Variants in RPGR observed in about 807,000 individuals in gnomAD.
The protein encoded by RPGR is retinitis pigmentosa GTPase regulator.
Under a neutral mutation model 56.3 loss-of-function variants are expected in RPGR, and 10 were observed. The observed-to-expected ratio is 0.18, with a 90% CI of 0.11 to 0.30. The LOEUF (loss-of-function observed/expected upper bound fraction) is 0.30, where lower values mean the gene tolerates loss of function less well. RPGR is among the 10% of genes least tolerant of loss of function. RPGR has a pLI of 1.00. For missense variants in RPGR, 538 were observed against 590.9 expected (o/e 0.91, Z 0.93); for synonymous variants, 197 against 212.9 (o/e 0.93, Z 0.65).
chrX:38,318,854 T>A lies in RPGR; in HGVS notation c.444A>T (p.Gly148=), dbSNP rs752286330. The A allele has an allele frequency of 2.9e-5, 35 of 1,210,271 alleles. No individual in the cohort carries two copies. The East Asian group carries it at 8.9e-4, about 31-fold the overall frequency. The change falls in exon 5 of 19, where the codon GGA becomes GGT. Residue 148 remains glycine (G), a synonymous_variant. Transcript: ENST00000642395. ...CAGTTAGGGCAGCTGAAGTATTAGATCCAGCAGACAGCTGCTTAATCTTAT... is the reference window on the plus strand; with the variant it reads ...CAGTTAGGGCAGCTGAAGTATTAGAACCAGCAGACAGCTGCTTAATCTTAT...
rs112928193 is a variant in RPGR at position 38,300,838 on chromosome X, A to G, written c.1059+409T>C. ...GAGTGAGCCACCGTGCCCTGCCAAA[A>G]CGCTTTGTTTATTATCAGACTTTCT... On this transcript the variant is annotated intron_variant, in intron 9 of 18. Transcript: ENST00000642395. 0.014 allele frequency among the ~76,000 whole-genome samples: 1,610 copies of G among 112,164 alleles called. 33 individuals are homozygous for G. The highest frequency in any genetic ancestry group is 0.049 in the African/African-American group (1,522 of 30,864).
At chrX:38,303,569 T>C (rs189603801) in intron 8 of RPGR, 266 of 266,951 alleles carry the variant, frequency 1.0e-3, no homozygotes, top group African/African-American at 7.0e-3. Flanking sequence ...TAGGACCCTA[T>C]AGTTAAGGGA....
intron 14 of RPGR, 51 bp from the exon 15 acceptor site, chrX:38,287,296 A>T: frequency 1.7e-6 from 2 of 1,202,615 alleles, no homozygotes; most frequent in Non-Finnish European, 2.2e-6. Context: ...TTTGGATATT[A>T]TGGGTTTAGT....
chrX:38,316,634 TATTG>T (rs1190959318), intron 6 of RPGR, among the ~76,000 whole-genome samples: 1 of 111,154 alleles, frequency 9.0e-6, no homozygotes, highest in African/African-American at 3.3e-5. Flanking sequence ...CAATAATATT[TATTG>T]ATTATCAGTT....
intron 6 of RPGR, among the ~76,000 whole-genome samples, chrX:38,312,387 G>A (rs1312217608): frequency 1.8e-5 from 2 of 111,033 alleles, no homozygotes; most frequent in Non-Finnish European, 3.8e-5. Flanking sequence ...CCTGGATCAA[G>A]TTTTCCAAAT....
chrX:38,293,858 T>G (rs755416815), intron 11 of RPGR, among the ~76,000 whole-genome samples: 1 of 111,652 alleles, frequency 9.0e-6, no homozygotes, highest in South Asian at 3.7e-4. Flanking sequence ...TTCCTTATAC[T>G]TTCTCTCTTC....
intron 7 of RPGR, among the ~76,000 whole-genome samples, chrX:38,310,182 T>C (rs1047985851): frequency 3.6e-5 from 4 of 110,927 alleles, no homozygotes; most frequent in African/African-American, 1.3e-4. Context: ...CTCGAACTCC[T>C]GGGCTCAAGA....
chrX:38,302,440 G>A (rs1326356520), intron 8 of RPGR, among the ~76,000 whole-genome samples: 2 of 111,451 alleles, frequency 1.8e-5, no homozygotes, highest in East Asian at 2.8e-4. Context: ...AAGCTGAAAG[G>A]CAACTAATAC....
intron 9 of RPGR, among the ~76,000 whole-genome samples, chrX:38,300,785 T>C (rs1246201120): frequency 8.9e-6 from 1 of 112,370 alleles, no homozygotes; most frequent in Non-Finnish European, 1.9e-5. Flanking sequence ...TCCGCCCGCC[T>C]TGGCCTCCCA....
intron 15 of RPGR, chrX:38,285,261 A>G: frequency 1.0e-6 from 1 of 975,968 alleles, no homozygotes; most frequent in Non-Finnish European, 1.3e-6. Context: ...TAATGAATAT[A>G]TAATGTTAAT....
Position 38,297,418 on chromosome X carries a change from G to A in RPGR, c.1280C>T (p.Thr427Ile), listed in dbSNP as rs1307209568. The change falls in exon 11 of 19, where the codon ACA becomes ATA. Residue 427 changes from threonine to isoleucine, a missense_variant. Physicochemically the swap from Thr to Ile is moderately conservative, Grantham distance 89. Around this residue, in one of 2 missense-constraint regions of RPGR, gnomAD observed 357 missense variants for 325.8 expected, o/e 1.10. Transcript: ENST00000642395. Reference sequence around the variant, plus strand: ...AAGAGTCCCTTCTATTGGAGGTAGTGTTCTCCTCATTGAAAAAGAATCTGG... The same window carrying A: ...AAGAGTCCCTTCTATTGGAGGTAGTATTCTCCTCATTGAAAAAGAATCTGG... 1.7e-6 allele frequency: 2 copies of A among 1,208,906 alleles called. No homozygotes were observed. Among genetic ancestry groups the A allele is most frequent in the Admixed American group, 2.2e-5 (1 of 45,874 alleles).
At position 38,294,087 on chromosome X, in the gene RPGR, T is replaced by A. The variant is rs1024418015; in HGVS notation, c.1415-2603A>T. ...TAACACTCTGGCTTCTTCCCTGATC[T>A]TCCCCTAGAACTGCTCTTGTCGAGG... On this transcript the variant is annotated intron_variant, in intron 11 of 18. Coordinates refer to ENST00000642395, the MANE Select transcript of RPGR (RefSeq NM_000328.3). Among the ~76,000 whole-genome samples, 11 of 111,829 alleles carry A rather than the reference T, an allele frequency of 9.8e-5. No homozygotes were observed. The East Asian group carries it at 3.1e-3, about 31-fold the overall frequency.
At chrX:38,302,832 A>C (rs2067527620) in intron 8 of RPGR, among the ~76,000 whole-genome samples, 1 of 74,726 alleles carries the variant, frequency 1.3e-5, no homozygotes, top group Non-Finnish European at 2.4e-5. Context: ...TTTTTTTGAG[A>C]TGGGGTCTCG....
intron 15 of RPGR, among the ~76,000 whole-genome samples, chrX:38,281,332 C>T (rs747750557): frequency 6.2e-5 from 7 of 112,101 alleles, no homozygotes; most frequent in African/African-American, 6.5e-5. Context: ...CCTAAATTTT[C>T]GGCTAACCAC....
chrX:38,292,099 C>A (rs1311093243), intron 11 of RPGR, among the ~76,000 whole-genome samples: 2 of 110,578 alleles, frequency 1.8e-5, no homozygotes, highest in African/African-American at 3.3e-5. Context: ...CTGCCAATGG[C>A]CATGTGAATG....
intron 8 of RPGR, among the ~76,000 whole-genome samples, chrX:38,301,827 G>A (rs1034508714): frequency 6.3e-5 from 7 of 110,857 alleles, no homozygotes; most frequent in Non-Finnish European, 1.3e-4. Flanking sequence ...GGTCGTGTGG[G>A]TCTGTCCTGT....
chrX:38,289,699 G>C (rs190001701), intron 13 of RPGR, among the ~76,000 whole-genome samples: 1 of 112,491 alleles, frequency 8.9e-6, no homozygotes, highest in Admixed American at 9.4e-5. Context: ...AAGTAGGCCT[G>C]GTAGGGCCTA....
At chrX:38,281,098 T>C (rs2067021432) in intron 15 of RPGR, among the ~76,000 whole-genome samples, 1 of 112,368 alleles carries the variant, frequency 8.9e-6, no homozygotes, top group Non-Finnish European at 1.9e-5. Context: ...TAGGCAGGCC[T>C]ACAGAAATAA....
intron 6 of RPGR, among the ~76,000 whole-genome samples, chrX:38,317,080 C>T (rs1039516830): frequency 3.6e-5 from 4 of 111,344 alleles, no homozygotes; most frequent in Non-Finnish European, 7.5e-5. Flanking sequence ...AAACTATATC[C>T]CATGCTGAGC....
Sources: gnomAD v4.1 joint callset for allele counts (sites outside exome capture counted in the v4.1 genomes callset) on GRCh38, gnomAD v4.1.1 for gene constraint, gnomAD v4.1.1 regional missense constraint, MANE v1.5 for transcripts, NCBI Gene and HGNC (gene_info 2026-07-23, HGNC 2026-07-21) for gene names.